QRICH2: variants seen among roughly 807,000 people sequenced by gnomAD.
The protein encoded by QRICH2 is glutamine rich 2, also known as glutamine-rich protein 2.
A neutral mutation model predicts 168.3 loss-of-function variants in QRICH2; 119 were observed. The observed-to-expected ratio is 0.71, with a 90% CI of 0.61 to 0.82. QRICH2 has a LOEUF of 0.82. Ranked by LOEUF, QRICH2 falls within the 40% of genes least tolerant of loss-of-function variation. The probability of loss-of-function intolerance (pLI) is 0.00; values close to 1 mark genes in which losing one functional copy is unlikely to be tolerated. For synonymous variants in QRICH2, 894 were observed against 951.2 expected (o/e 0.94, Z 1.11); for missense variants, 2,241 against 2,491.6 (o/e 0.90, Z 2.14).
rs1348650404 is a variant in QRICH2, at chr17:76,291,527, C to A, written c.3200G>T (p.Gly1067Val). 1 of 1,602,474 alleles carries A rather than the reference C, an allele frequency of 6.2e-7. No individual in the cohort carries two copies. Among genetic ancestry groups the A allele is most frequent in the East Asian group, 2.2e-5 (1 of 44,618 alleles). ...DQHSPIPLST[G>V]LGSTHPDQQH... ...TTGATCTGGGTGTGTAGATCCCAAA[C>A]CTGTACTCAGTGGTATTGGGCTGTG... Residue 1067 changes from glycine to valine, a missense_variant, in exon 4 of 19, where the codon GGT becomes GTT. Gly to Val is a moderately radical substitution (Grantham distance 109, BLOSUM62 -3). Transcript: ENST00000680821.
rs1240717455 is a variant in QRICH2 at position 76,278,161 on chromosome 17, C to T, written c.4945G>A (p.Gly1649Ser). The part of the protein sequence containing the change: ...NLKLGSAFPR[G>S]DLAQMEQSVG... ...CTCTGCTCCATCTGCGCCAGGTCAC[C>T]CCGAGGGAAGGCGCTGCCCAGCTTG... Residue 1649 changes from glycine (G) to serine (S), a missense_variant, in exon 15 of 19, where the codon GGT becomes AGT. Physicochemically the swap from Gly to Ser is moderately conservative, Grantham distance 56. This residue lies in a region of QRICH2 where 2,047 missense variants were observed against 2,303.8 expected (regional missense o/e 0.89). Transcript: ENST00000680821. 1 of 1,609,736 alleles carries T rather than the reference C, an allele frequency of 6.2e-7. No individual in the cohort carries two copies. Among genetic ancestry groups the T allele is most frequent in the Admixed American group, 1.7e-5 (1 of 60,034 alleles).
At chr17:76,289,606 G>A (rs114701482) in intron 5 of QRICH2, among the ~76,000 whole-genome samples, 5,058 of 151,256 alleles carry the variant, frequency 0.033, 303 homozygotes, top group African/African-American at 0.12. Flanking sequence ...TATTTAATCC[G>A]TAAAATACAA....
chr17:76,284,223 C>T (rs2070841858), intron 7 of QRICH2, among the ~76,000 whole-genome samples: 1 of 138,390 alleles, frequency 7.2e-6, no homozygotes. Flanking sequence ...TGACATGAAC[C>T]CGCTTGGCCC....
chr17:76,280,589 C>G lies in QRICH2; in HGVS notation c.4461+65G>C. The G allele has an allele frequency of 6.2e-7, 1 of 1,605,116 alleles. No individual in the cohort carries two copies. The highest frequency in any genetic ancestry group is 1.1e-5 in the South Asian group (1 of 90,830). On this transcript the variant is annotated intron_variant, in intron 10 of 18. Coordinates refer to ENST00000680821, the MANE Select transcript of QRICH2 (RefSeq NM_001388453.1). The surrounding 1 kb of genome is among the most constrained non-coding windows in gnomAD (Gnocchi z 7.4). ...TCTCGCCAGCTCCCCTCCACTCAGTCTCTCAAAGAACAGTCAGCGAGACCG... is the reference window on the plus strand; with the variant it reads ...TCTCGCCAGCTCCCCTCCACTCAGTGTCTCAAAGAACAGTCAGCGAGACCG...
chr17:76,280,847 T>C lies in QRICH2; in HGVS notation c.4370A>G (p.Lys1457Arg). 1 of 1,613,934 alleles carries C rather than the reference T, an allele frequency of 6.2e-7. No individual in the cohort carries two copies. Among genetic ancestry groups the C allele is most frequent in the Non-Finnish European group, 8.5e-7 (1 of 1,180,024 alleles). Residue 1457 changes from lysine to arginine, a missense_variant, in exon 9 of 19, where the codon AAA becomes AGA. Transcript: ENST00000680821. The surrounding 1 kb of genome is among the most constrained non-coding windows in gnomAD (Gnocchi z 7.4). ...TSNLIEDHRQ[K>R]QKDIAMLYQG... ...GCCGCTCACAGCAATGTCCTTCTGT[T>C]TCTGCCGATGGTCCTCGATGAGGTT...
At chr17:76,305,376 G>A (rs1023383366) in intron 1 of QRICH2, among the ~76,000 whole-genome samples, 1 of 152,090 alleles carries the variant, frequency 6.6e-6, no homozygotes, top group African/African-American at 2.4e-5. Context: ...ATGTTGCCCA[G>A]GCTGGTCTTG....
At chr17:76,275,792 A>G in intron 18 of QRICH2, 27 bp downstream of exon 18, 1 of 1,600,246 alleles carries the variant, frequency 6.2e-7, no homozygotes. Context: ...GAGGCCTGGC[A>G]GGACGCCCCA....
chr17:76,275,675 G>A (rs12941256), intron 18 of QRICH2, 144 bp downstream of exon 18: 2 of 1,021,152 alleles, frequency 2.0e-6, no homozygotes, highest in Admixed American at 2.8e-5. Context: ...GTCACTCGGG[G>A]TTCCTCTTTT....
rs765971581 is a variant in QRICH2 at position 76,280,745 on chromosome 17, A to G, written c.4387-17T>C. ...GTACAGCATCTGGGGAGGCCAAGTG[A>G]ACAGAGAAAAAAAGAGCCAGCAGCT... On this transcript the variant is annotated splice_polypyrimidine_tract_variant and intron_variant, in intron 9 of 18. Transcript: ENST00000680821. This position sits in a 1 kb window ranked among gnomAD's most constrained non-coding sequence, Gnocchi z 7.4. The G allele has an allele frequency of 4.3e-6, 7 of 1,613,988 alleles. No individual in the cohort carries two copies. Among genetic ancestry groups the G allele is most frequent in the Non-Finnish European group, 5.9e-6 (7 of 1,180,018 alleles).
chr17:76,304,842 C>A, intron 2 of QRICH2, 40 bp downstream of exon 2: 1 of 1,450,978 alleles, frequency 6.9e-7, no homozygotes. Flanking sequence ...GACGGCCAGC[C>A]CCCTGGAGAG....
chr17:76,292,496 C>T lies in QRICH2; in HGVS notation c.2231G>A (p.Arg744His), dbSNP rs147255233. ...GVDQRGLAQPRADHQRGLVPP... is the reference protein window; with the variant it reads ...GVDQRGLAQPHADHQRGLVPP... ...GACCAAACCACGCTGATGATCTGCA[C>T]GAGGTTGTGCCAAACCACGCTGATC... is the stretch of plus-strand genomic sequence containing the variant. Residue 744 changes from arginine (R) to histidine (H), a missense_variant, in exon 4 of 19, where the codon CGT (arginine) becomes CAT (histidine). Arg to His is a conservative substitution (Grantham distance 29). Around this residue, in one of 3 missense-constraint regions of QRICH2, gnomAD observed 2,047 missense variants for 2,303.8 expected, o/e 0.89. Coordinates refer to ENST00000680821, the MANE Select transcript of QRICH2 (RefSeq NM_001388453.1). 37 of 1,562,390 alleles carry T rather than the reference C, an allele frequency of 2.4e-5. No homozygotes were observed. The highest frequency in any genetic ancestry group is 8.4e-5 in the African/African-American group (6 of 71,126).
rs544887633 is a variant in QRICH2 at position 76,278,684 on chromosome 17, C to G, written c.4916+357G>C. ...GCTGAGCTATACCGGACCCTCCCCC[C>G]ACCGCTCTAATCCCGGGGTTGCTGA... On this transcript the variant is annotated intron_variant, in intron 14 of 18. Coordinates refer to ENST00000680821, the MANE Select transcript of QRICH2 (RefSeq NM_001388453.1). Among the ~76,000 whole-genome samples, 5 of 152,350 alleles carry G rather than the reference C, an allele frequency of 3.3e-5. No homozygotes were observed. The East Asian group carries it at 7.7e-4, about 24-fold the overall frequency.
chr17:76,290,034 G>C lies in QRICH2; in HGVS notation c.3756C>G (p.Thr1252=), dbSNP rs760466997. The change falls in exon 5 of 19, where the codon ACC becomes ACG. Residue 1252 remains threonine, a synonymous_variant. Transcript: ENST00000680821. ...IPPELQEQLK[T]VKTLAKEVWQ... is the part of the protein sequence containing the mutation. ...AAACTTCTTTGGCTAGCGTCTTTACGGTCTTCAGCTGCTCCTGCAGTTCAG... is the reference window on the plus strand; with the variant it reads ...AAACTTCTTTGGCTAGCGTCTTTACCGTCTTCAGCTGCTCCTGCAGTTCAG... The C allele has an allele frequency of 3.1e-6, 5 of 1,611,986 alleles. No individual in the cohort carries two copies. Among genetic ancestry groups the C allele is most frequent in the Admixed American group, 3.3e-5 (2 of 59,928 alleles).
rs761291169 is a variant in QRICH2, at chr17:76,277,212, T to A, written c.5216A>T (p.His1739Leu). ...AGTAGGATACAGGCCCCGGGGAAGG[T>A]GCTGCGGGCGGCTGCGGTGGTAGGG... ...TYPYHRSRPQ[H>L]LPRGLYPTEE... Residue 1739 changes from histidine to leucine, a missense_variant, in exon 16 of 19, where the codon CAC (histidine) becomes CTC (leucine). His to Leu is a moderately conservative substitution (Grantham distance 99). This residue lies in a region of QRICH2 where 2,047 missense variants were observed against 2,303.8 expected (regional missense o/e 0.89). Transcript: ENST00000680821. The A allele has an allele frequency of 3.1e-6, 5 of 1,603,094 alleles. No homozygotes were observed. The African/African-American group carries it at 5.4e-5, about 17-fold the overall frequency.
At chr17:76,278,947 G>T in intron 14 of QRICH2, 94 bp downstream of exon 14, 4 of 1,014,396 alleles carry the variant, frequency 3.9e-6, no homozygotes, top group South Asian at 2.7e-5. Context: ...GTCACGTTCC[G>T]CTGGGCCCTC....
At position 76,291,777 on chromosome 17, in the gene QRICH2, G is replaced by C. The variant is rs754056074; in HGVS notation, c.2950C>G (p.Pro984Ala). 1.9e-6 allele frequency: 3 copies of C among 1,614,166 alleles called. No homozygotes were observed. In the South Asian group the frequency reaches 3.3e-5, roughly 18 times the overall value. ...GAAGAGCCACGAAGCTTTGTGCCTG[G>C]TGCTATCAAGCCTGGCTGATATGCA... ...PGAYQPGLIA[P>A]GTKLRGSSTF... The change falls in exon 4 of 19, where the codon CCA becomes GCA. Residue 984 changes from proline (P) to alanine (A), a missense_variant. Pro to Ala is a conservative substitution (Grantham distance 27, BLOSUM62 -1). Coordinates refer to ENST00000680821, the MANE Select transcript of QRICH2 (RefSeq NM_001388453.1).
intron 3 of QRICH2, chr17:76,301,481 T>C (rs771529241): frequency 8.7e-6 from 2 of 229,570 alleles, no homozygotes; most frequent in Non-Finnish European, 1.8e-5. Flanking sequence ...GGCAGGAGGA[T>C]TGCTTGAGCC....
rs868771370 is a variant in QRICH2 at position 76,293,666 on chromosome 17, C to T, written c.1061G>A (p.Arg354Lys). ...AACTGGACCAGGACGTGCATTTCTTCTTGGTTGTGTCGAGGTAAGCTTCTC... is the reference window on the plus strand; with the variant it reads ...AACTGGACCAGGACGTGCATTTCTTTTTGGTTGTGTCGAGGTAAGCTTCTC... The part of the protein sequence containing the change: ...SREKLTSTQP[R>K]RNARPGPVQQ... The change falls in exon 4 of 19, where the codon AGA becomes AAA. Residue 354 changes from arginine to lysine, a missense_variant. Transcript: ENST00000680821. The T allele has an allele frequency of 6.2e-7, 1 of 1,614,188 alleles. No homozygotes were observed. The highest frequency in any genetic ancestry group is 1.3e-5 in the African/African-American group (1 of 75,052).
chr17:76,307,385 G>A lies in QRICH2; in HGVS notation c.534+80C>T. 2 of 1,481,106 alleles carry A rather than the reference G, an allele frequency of 1.4e-6. No homozygotes were observed. The highest frequency in any genetic ancestry group is 1.7e-5 in the Admixed American group (1 of 59,222). 91.7% of individuals were successfully genotyped at this position (1,481,106 alleles called of 1,614,324 possible). A position where few individuals can be genotyped will look rare whatever the true frequency, so the allele number is the denominator to read the frequency against. On this transcript the variant is annotated intron_variant, in intron 1 of 18. Coordinates refer to ENST00000680821, the MANE Select transcript of QRICH2 (RefSeq NM_001388453.1). This position sits in a 1 kb window ranked among gnomAD's most constrained non-coding sequence, Gnocchi z 5.3. ...TCCCCACCACCGCTCACCCCTCCAG[G>A]GTGGTGGGGACTCGGCTAGGCCTGG...
Sources: gnomAD v4.1 joint callset for allele counts (sites outside exome capture counted in the v4.1 genomes callset) on GRCh38, gnomAD v4.1.1 for gene constraint, gnomAD v4.1.1 regional missense constraint, Gnocchi (gnomAD v3.1) non-coding constraint, MANE v1.5 for transcripts, NCBI Gene and HGNC (gene_info 2026-07-23, HGNC 2026-07-21) for gene names.